The following NR3C2 variants were observed in gnomAD, a reference collection of about 807,000 sequenced individuals.
NR3C2 encodes nuclear receptor subfamily 3 group C member 2.
A neutral mutation model predicts 86.4 loss-of-function variants in NR3C2; 15 were observed. That is an observed-to-expected ratio of 0.17 (90% CI 0.12 to 0.27). The LOEUF is 0.27. Among genes scored for constraint, NR3C2 ranks in the 10% least tolerant of loss-of-function variants. The probability of loss-of-function intolerance (pLI) is 1.00; values close to 1 mark genes in which losing one functional copy is unlikely to be tolerated. For synonymous variants in NR3C2, 458 were observed against 450.5 expected (o/e 1.02, Z -0.21); for missense variants, 960 against 1,195.6 (o/e 0.80, Z 2.91).
intron 2 of NR3C2, among the ~76,000 whole-genome samples, chr4:148,354,757 GA>G (rs1745471530): frequency 1.3e-5 from 2 of 151,978 alleles, no homozygotes; most frequent in Admixed American, 6.6e-5. Flanking sequence ...CAAATTTCAT[GA>G]AATTATTTTT....
intron 2 of NR3C2, among the ~76,000 whole-genome samples, chr4:148,312,595 G>A (rs539435671): frequency 1.1e-3 from 172 of 152,234 alleles, no homozygotes; most frequent in African/African-American, 3.9e-3. Flanking sequence ...ATGAATTTCC[G>A]TGAAAGCCAC....
At chr4:148,317,034 C>A (rs976088504) in intron 2 of NR3C2, among the ~76,000 whole-genome samples, 4 of 152,136 alleles carry the variant, frequency 2.6e-5, no homozygotes, top group Non-Finnish European at 5.9e-5. Context: ...CTCAAGCGAT[C>A]CACCTGCTTC....
intron 2 of NR3C2, among the ~76,000 whole-genome samples, chr4:148,371,619 G>T (rs1387858374): frequency 2.1e-5 from 3 of 145,150 alleles, no homozygotes; most frequent in Non-Finnish European, 4.6e-5. Flanking sequence ...CACTAGAAGA[G>T]AAAAAAAAAA....
rs1317786227 is a variant in NR3C2 at position 148,102,718 on chromosome 4, G to GACAGC, written c.2799+11381_2799+11385dup. Among the ~76,000 whole-genome samples the GACAGC allele has an allele frequency of 3.3e-5, 5 of 152,182 alleles. No homozygotes were observed. The East Asian group carries it at 9.6e-4, about 29-fold the overall frequency. ...CTCCTGGATCCTCTAGAATCTGTCA[G>GACAGC]ACAGCACCATTCAGCACAACCTTCT... On this transcript the variant is annotated intron_variant, in intron 8 of 8. Transcript: ENST00000358102.
chr4:148,424,710 G>GAA (rs199511090), intron 2 of NR3C2, among the ~76,000 whole-genome samples: 1 of 139,522 alleles, frequency 7.2e-6, no homozygotes. Context: ...AGACAACATA[G>GAA]AAAAAAAAAA....
chr4:148,233,386 G>GTTTTTTTATTTTTT (rs1738564830), intron 3 of NR3C2, among the ~76,000 whole-genome samples: 1 of 107,400 alleles, frequency 9.3e-6, no homozygotes, highest in African/African-American at 3.5e-5. Flanking sequence ...TTGAAGCAGG[G>GTTTTTTTATTTTTT]TCTCACTCTG....
At chr4:148,348,647 T>G (rs1745120554) in intron 2 of NR3C2, among the ~76,000 whole-genome samples, 1 of 152,108 alleles carries the variant, frequency 6.6e-6, no homozygotes, top group Admixed American at 6.6e-5. Flanking sequence ...CACAGAGGTG[T>G]CATTGGGGAG....
At chr4:148,204,545 T>A (rs1441079053) in intron 3 of NR3C2, among the ~76,000 whole-genome samples, 2 of 152,184 alleles carry the variant, frequency 1.3e-5, no homozygotes, top group African/African-American at 4.8e-5. Flanking sequence ...TTCGGAGTGG[T>A]AAAATTATGT....
chr4:148,104,751 A>G (rs981264118), intron 8 of NR3C2, among the ~76,000 whole-genome samples: 1 of 152,126 alleles, frequency 6.6e-6, no homozygotes, highest in African/African-American at 2.4e-5. Context: ...CACTTCCCCA[A>G]ACTTCCTACA....
intron 2 of NR3C2, among the ~76,000 whole-genome samples, chr4:148,273,521 G>T (rs891640336): frequency 6.6e-6 from 1 of 151,864 alleles, no homozygotes. Context: ...TGGCATGTTG[G>T]GTTTTTTTTC....
At chr4:148,320,368 A>T (rs1165369491) in intron 2 of NR3C2, among the ~76,000 whole-genome samples, 8 of 118,276 alleles carry the variant, frequency 6.8e-5, no homozygotes, top group East Asian at 5.0e-4. Context: ...CTGGCTTTGG[A>T]ATCAGAATGA....
At chr4:148,368,643 G>A (rs958027827) in intron 2 of NR3C2, among the ~76,000 whole-genome samples, 6 of 152,060 alleles carry the variant, frequency 3.9e-5, no homozygotes, top group African/African-American at 1.2e-4. Flanking sequence ...ATAATGGTTC[G>A]CTGAATTTCA....
chr4:148,183,438 A>G (rs1735737382), intron 4 of NR3C2, among the ~76,000 whole-genome samples: 1 of 152,184 alleles, frequency 6.6e-6, no homozygotes, highest in South Asian at 2.1e-4. Flanking sequence ...ACTCCCACCA[A>G]CAGTGTAAAA....
At chr4:148,144,413 G>C (rs1431691137) in intron 6 of NR3C2, among the ~76,000 whole-genome samples, 1 of 152,038 alleles carries the variant, frequency 6.6e-6, no homozygotes, top group African/African-American at 2.4e-5. Context: ...GGCTGGACTT[G>C]AACTCCTGGA....
intron 2 of NR3C2, among the ~76,000 whole-genome samples, chr4:148,430,197 C>T (rs138453852): frequency 8.5e-5 from 13 of 152,116 alleles, no homozygotes; most frequent in Admixed American, 1.3e-4. Flanking sequence ...AGTATGTCAC[C>T]GGTATGAAAA....
chr4:148,135,644 G>A (rs527887631), intron 6 of NR3C2, among the ~76,000 whole-genome samples: 1 of 152,162 alleles, frequency 6.6e-6, no homozygotes, highest in African/African-American at 2.4e-5. Context: ...AGTAATTTCT[G>A]CAACTGAAAT....
intron 6 of NR3C2, among the ~76,000 whole-genome samples, chr4:148,149,282 T>C (rs1176766315): frequency 6.6e-6 from 1 of 152,222 alleles, no homozygotes; most frequent in African/African-American, 2.4e-5. Flanking sequence ...TATCTTTTGT[T>C]GTTTCCATTT....
chr4:148,408,866 T>C (rs1512328), intron 2 of NR3C2, among the ~76,000 whole-genome samples: 148,418 of 152,194 alleles, frequency 0.98, 72,445 homozygotes, highest in Non-Finnish European at 1. Context: ...TTGTTCTATA[T>C]CCTGGTTTTT....
At chr4:148,167,003 T>G (rs1287885356) in intron 4 of NR3C2, among the ~76,000 whole-genome samples, 1 of 152,210 alleles carries the variant, frequency 6.6e-6, no homozygotes, top group Non-Finnish European at 1.5e-5. Context: ...CAGTTTTCGT[T>G]TCTTCTCTCA....
Sources: allele counts gnomAD v4.1 joint callset (sites outside exome capture counted in the v4.1 genomes callset), GRCh38; gene constraint gnomAD v4.1.1; transcripts MANE v1.5; gene names NCBI Gene and HGNC (gene_info 2026-07-23, HGNC 2026-07-21).